The following DSC2 variants were observed in gnomAD, a reference collection of about 807,000 sequenced individuals.
The protein encoded by DSC2 is desmocollin-2.
A neutral mutation model predicts 87.6 loss-of-function variants in DSC2; 51 were observed. The observed-to-expected ratio is 0.58, with a 90% CI of 0.46 to 0.74. The LOEUF (loss-of-function observed/expected upper bound fraction) is 0.74, where lower values mean the gene tolerates loss of function less well. Among genes scored for constraint, DSC2 ranks in the 30% least tolerant of loss-of-function variants. The probability of loss-of-function intolerance (pLI) is 0.00; values close to 1 mark genes in which losing one functional copy is unlikely to be tolerated. For missense variants in DSC2, 1,066 were observed against 1,089.5 expected, an observed-to-expected ratio of 0.98 and a Z score of 0.30; for synonymous variants, 383 against 393.2, an observed-to-expected ratio of 0.97 and a Z score of 0.31.
At chr18:31,088,621 T>C (rs1245714044) in intron 5 of DSC2, among the ~76,000 whole-genome samples, 1 of 152,170 alleles carries the variant, frequency 6.6e-6, no homozygotes, top group Non-Finnish European at 1.5e-5. Flanking sequence ...CCAAGTCCTG[T>C]TGGGAAATCA....
rs1473416172 is a variant in DSC2 at position 31,071,762 on chromosome 18, A to T, written c.1968T>A (p.Leu656=). The T allele has an allele frequency of 6.2e-7, 1 of 1,613,976 alleles. No homozygotes were observed. The change falls in exon 13 of 16, where the codon CTT becomes CTA. Residue 656 remains leucine, a synonymous_variant. Transcript: ENST00000280904. The part of the protein sequence containing the change: ...YVVPITVRDR[L]GMSSVTSLDV... ...CCAATGAAGTGACACTAGACATGCC[A>T]AGTCTATCTCTCACTGTTATAGGTA...
Position 31,070,774 on chromosome 18 carries a change from C to T in DSC2, c.2202G>A (p.Gln734=), listed in dbSNP as rs775922060. The T allele has an allele frequency of 2.3e-5, 37 of 1,613,868 alleles. No individual in the cohort carries two copies. Among genetic ancestry groups the T allele is most frequent in the Non-Finnish European group, 2.9e-5 (34 of 1,179,922 alleles). Residue 734 remains glutamine, a synonymous_variant, in exon 14 of 16, where the codon CAG becomes CAA. Transcript: ENST00000280904. ...QPKVIPDDLA[Q]QNLIVSNTEA... is the part of the protein sequence containing the mutation. ...CTGTGTTTGATACAATTAGGTTCTG[C>T]TGGGCTAAATCATCAGGAATTACTT...
chr18:31,075,571 C>T (rs575359568), intron 11 of DSC2, among the ~76,000 whole-genome samples: 30 of 152,266 alleles, frequency 2.0e-4, no homozygotes, highest in South Asian at 8.3e-4. Flanking sequence ...ACAGGATAGA[C>T]GGGGCACAGT....
At chr18:31,089,684 T>C in intron 4 of DSC2, 90 bp from the exon 5 acceptor site, 1 of 1,250,886 alleles carries the variant, frequency 8.0e-7, no homozygotes, top group Admixed American at 2.2e-5. Context: ...GCCATTTTAT[T>C]AGTTTAAATA....
chr18:31,093,735 T>G lies in DSC2; in HGVS notation c.70-92A>C, dbSNP rs1211297120. 5 of 552,974 alleles carry G rather than the reference T, an allele frequency of 9.0e-6. No homozygotes were observed. The African/African-American group carries it at 1.0e-4, about 11-fold the overall frequency. 34.3% of individuals were successfully genotyped at this position (552,974 alleles called of 1,614,324 possible). On this transcript the variant is annotated intron_variant, in intron 1 of 15. Transcript: ENST00000280904. ...TATATAAATTATAAATTTATAATGA[T>G]ATACACATAAAAAGGCATATAATAC...
At chr18:31,101,806 TTTCCCGCC>T in intron 1 of DSC2, 89 bp downstream of exon 1, 1 of 1,271,056 alleles carries the variant, frequency 7.9e-7, no homozygotes, top group Non-Finnish European at 1.1e-6. Context: ...CACCCCAGCT[TTTCCCGCC>T]ACCCCCACCT....
Position 31,072,812 on chromosome 18 carries a change from G to C in DSC2, c.1889-971C>G, listed in dbSNP as rs528815576. On this transcript the variant is annotated intron_variant, in intron 12 of 15. Coordinates refer to ENST00000280904, the MANE Select transcript of DSC2 (RefSeq NM_024422.6). The stretch of plus-strand genomic sequence containing the variant: ...GCTCTAAATACAAATTTGAATGCTT[G>C]GGTAAAAACACATTGAATTAAGTCC... Among the ~76,000 whole-genome samples the C allele has an allele frequency of 7.9e-5, 12 of 152,216 alleles. No individual in the cohort carries two copies. In the South Asian group the frequency reaches 2.1e-3, roughly 26 times the overall value.
At position 31,087,770 on chromosome 18, in the gene DSC2, A is replaced by C. The variant is rs201492318; in HGVS notation, c.674T>G (p.Leu225Arg). The change falls in exon 6 of 16, where the codon CTT (leucine) becomes CGT (arginine). Residue 225 changes from leucine to arginine, a missense_variant. Physicochemically the swap from Leu to Arg is moderately radical, Grantham distance 102. Coordinates refer to ENST00000280904, the MANE Select transcript of DSC2 (RefSeq NM_024422.6). The stretch of plus-strand genomic sequence containing the variant: ...TATTTTGATTATTAGGGGCAGTGGA[A>C]GTTCTGGAGTATACCCATCTGGAGT... ...ATTPDGYTPE[L>R]PLPLIIKIED... The C allele has an allele frequency of 3.1e-6, 5 of 1,613,902 alleles. No homozygotes were observed. The East Asian group carries it at 1.1e-4, about 36-fold the overall frequency.
chr18:31,075,649 G>A (rs973050271), intron 11 of DSC2, among the ~76,000 whole-genome samples: 2 of 152,116 alleles, frequency 1.3e-5, no homozygotes, highest in African/African-American at 2.4e-5. Flanking sequence ...TCAGGAGTTC[G>A]AGACCAGCCT....
intron 7 of DSC2, among the ~76,000 whole-genome samples, chr18:31,084,927 C>T (rs899672922): frequency 2.0e-5 from 3 of 151,974 alleles, no homozygotes; most frequent in Non-Finnish European, 4.4e-5. Flanking sequence ...TTTGGAAGCT[C>T]TGCATTACTT....
intron 1 of DSC2, chr18:31,101,327 C>G: frequency 1.1e-6 from 1 of 944,830 alleles, no homozygotes; most frequent in Non-Finnish European, 1.3e-6. Flanking sequence ...CCCAGAAAGG[C>G]GAGCAGTTCC....
chr18:31,077,535 T>A (rs1307615163), intron 11 of DSC2, among the ~76,000 whole-genome samples: 2 of 152,232 alleles, frequency 1.3e-5, no homozygotes, highest in African/African-American at 4.8e-5. Flanking sequence ...ACTCCAATCT[T>A]TTTTTGCACA....
chr18:31,101,019 A>AG (rs1249825017), intron 1 of DSC2, among the ~76,000 whole-genome samples: 1 of 150,118 alleles, frequency 6.7e-6, no homozygotes, highest in African/African-American at 2.5e-5. Context: ...AGCTCTGGGA[A>AG]GGGGTAGGGT....
In DSC2 at chr18:31,101,279, C is replaced by G. The variant is rs1418718210; in HGVS notation, c.69+624G>C. The G allele has an allele frequency of 5.2e-6, 5 of 969,980 alleles. No individual in the cohort carries two copies. The African/African-American group carries it at 7.1e-5, about 14-fold the overall frequency. 60.1% of individuals were successfully genotyped at this position (969,980 alleles called of 1,614,324 possible). ...AAGGGTCAAGATCCCCTCCCCCACC[C>G]GCCACTTCCCCCCGCCCTTCTCTCA... On this transcript the variant is annotated intron_variant, in intron 1 of 15. Transcript: ENST00000280904.
At chr18:31,070,937 A>C in intron 13 of DSC2, 87 bp from the exon 14 acceptor site, 2 of 1,487,608 alleles carry the variant, frequency 1.3e-6, no homozygotes, top group Non-Finnish European at 1.9e-6. Context: ...CATAAATCAT[A>C]AACTTAAAAG....
chr18:31,098,810 A>G (rs1429442744), intron 1 of DSC2, among the ~76,000 whole-genome samples: 1 of 152,202 alleles, frequency 6.6e-6, no homozygotes, highest in Non-Finnish European at 1.5e-5. Flanking sequence ...CTACTGATAC[A>G]CCTGCCCACA....
At chr18:31,087,457 T>G (rs1164921840) in intron 6 of DSC2, among the ~76,000 whole-genome samples, 1 of 152,212 alleles carries the variant, frequency 6.6e-6, no homozygotes, top group Non-Finnish European at 1.5e-5. Context: ...TCTGGCATAC[T>G]GATAACCCAT....
intron 11 of DSC2, among the ~76,000 whole-genome samples, chr18:31,076,138 T>C (rs193241682): frequency 6.6e-6 from 1 of 152,250 alleles, no homozygotes; most frequent in Non-Finnish European, 1.5e-5. Context: ...GGCTGTGTCT[T>C]ATATGAAGCT....
chr18:31,077,078 A>G (rs1040127565), intron 11 of DSC2, among the ~76,000 whole-genome samples: 17 of 152,212 alleles, frequency 1.1e-4, no homozygotes, highest in African/African-American at 4.1e-4. Context: ...AAAAAAATAT[A>G]GTAAAGGATG....
Sources: allele counts gnomAD v4.1 joint callset (sites outside exome capture counted in the v4.1 genomes callset), GRCh38; gene constraint gnomAD v4.1.1; transcripts MANE v1.5; gene names NCBI Gene and HGNC (gene_info 2026-07-23, HGNC 2026-07-21).